ANKS1B: variants seen among roughly 807,000 people sequenced by gnomAD.
ANKS1B encodes the protein ankyrin repeat and sterile alpha motif domain containing 1B, also known as ankyrin repeat and sterile alpha motif domain-containing protein 1B.
ANKS1B carries 36 observed loss-of-function variants against 148.3 expected under a neutral mutation model. The observed-to-expected ratio is 0.24, with a 90% CI of 0.19 to 0.32. The LOEUF is 0.32. ANKS1B is among the 10% of genes least tolerant of loss of function. The probability of loss-of-function intolerance (pLI) is 1.00; values close to 1 mark genes in which losing one functional copy is unlikely to be tolerated. For synonymous variants in ANKS1B, 542 were observed against 560.8 expected, an observed-to-expected ratio of 0.97 and a Z score of 0.47; for missense variants, 1,157 against 1,542.6, an observed-to-expected ratio of 0.75 and a Z score of 4.19.
At chr12:99,403,485 A>G (rs34864286) in intron 11 of ANKS1B, among the ~76,000 whole-genome samples, 1,515 of 84,000 alleles carry the variant, frequency 0.018, 230 homozygotes, top group African/African-American at 0.072. Context: ...ATGGGGGTTG[A>G]TTTTTTTTTC....
chr12:99,826,336 C>G (rs1398037558), intron 1 of ANKS1B, among the ~76,000 whole-genome samples: 2 of 152,146 alleles, frequency 1.3e-5, no homozygotes, highest in Admixed American at 6.5e-5. Context: ...AGGTACCAGA[C>G]AGCACACAGG....
chr12:99,755,071 TAA>T (rs59946297), intron 8 of ANKS1B, among the ~76,000 whole-genome samples: 65,814 of 149,362 alleles, frequency 0.44, 14,720 homozygotes, highest in South Asian at 0.61. Flanking sequence ...AGCTGCTTTT[TAA>T]AAAAAAAAAT....
chr12:98,840,495 G>A (rs11109622), intron 17 of ANKS1B, among the ~76,000 whole-genome samples: 35,222 of 152,146 alleles, frequency 0.23, 4,772 homozygotes, highest in Admixed American at 0.3. Context: ...GAAAGAGCGA[G>A]GGAGGAGGAA....
intron 17 of ANKS1B, among the ~76,000 whole-genome samples, chr12:98,891,593 G>A (rs534115674): frequency 4.6e-5 from 7 of 152,236 alleles, no homozygotes; most frequent in South Asian, 2.1e-4. Flanking sequence ...ATGCATTCAC[G>A]TAAATGTTCT....
chr12:99,064,655 T>C (rs1380426269), intron 16 of ANKS1B, among the ~76,000 whole-genome samples: 1 of 152,240 alleles, frequency 6.6e-6, no homozygotes, highest in African/African-American at 2.4e-5. Flanking sequence ...CTGCTCTTTT[T>C]AGCTTCATCT....
chr12:98,919,890 A>G (rs911098345), intron 17 of ANKS1B, among the ~76,000 whole-genome samples: 1 of 152,166 alleles, frequency 6.6e-6, no homozygotes, highest in Admixed American at 6.5e-5. Context: ...GGATACTCTC[A>G]AGAGTGACTA....
At chr12:99,065,634 CCATCCCATCCATCCATCCATCCAT>C (rs1319033246) in intron 16 of ANKS1B, among the ~76,000 whole-genome samples, 5 of 133,964 alleles carry the variant, frequency 3.7e-5, no homozygotes, top group Non-Finnish European at 6.3e-5. Context: ...ATCCATCCAT[CCATCCCATCCATCCATCCATCCAT>C]CCATCCATCC....
At chr12:99,512,063 G>C (rs2096771865) in intron 9 of ANKS1B, among the ~76,000 whole-genome samples, 1 of 152,038 alleles carries the variant, frequency 6.6e-6, no homozygotes, top group African/African-American at 2.4e-5. Flanking sequence ...ATTGACAAAT[G>C]GGATCTAATT....
intron 17 of ANKS1B, among the ~76,000 whole-genome samples, chr12:98,863,927 G>A (rs969351584): frequency 2.0e-5 from 3 of 152,156 alleles, no homozygotes; most frequent in African/African-American, 4.8e-5. Flanking sequence ...ACACGCATAC[G>A]TGGCAACAGA....
At chr12:99,695,982 C>T (rs929684835) in intron 8 of ANKS1B, among the ~76,000 whole-genome samples, 6 of 152,160 alleles carry the variant, frequency 3.9e-5, no homozygotes, top group Admixed American at 1.3e-4. Flanking sequence ...AAACTACCTA[C>T]TGGGCACTAT....
intron 17 of ANKS1B, among the ~76,000 whole-genome samples, chr12:98,926,089 G>A (rs937929780): frequency 6.6e-6 from 1 of 152,118 alleles, no homozygotes; most frequent in African/African-American, 2.4e-5. Context: ...GACCTGAGAA[G>A]CCCCTATTCT....
intron 8 of ANKS1B, among the ~76,000 whole-genome samples, chr12:99,719,169 C>A (rs1445773869): frequency 6.6e-6 from 1 of 152,158 alleles, no homozygotes; most frequent in Non-Finnish European, 1.5e-5. Context: ...TGCTTTAATA[C>A]TTTTAGAGGC....
At chr12:99,598,776 A>G (rs2097777499) in intron 9 of ANKS1B, among the ~76,000 whole-genome samples, 1 of 152,152 alleles carries the variant, frequency 6.6e-6, no homozygotes, top group Non-Finnish European at 1.5e-5. Context: ...ACACGGAAAT[A>G]ACAGAAACAA....
chr12:99,223,030 G>T (rs2085357545), intron 14 of ANKS1B, among the ~76,000 whole-genome samples: 1 of 152,200 alleles, frequency 6.6e-6, no homozygotes, highest in South Asian at 2.1e-4. Context: ...GTAAGGTATT[G>T]AAAGTAAAAT....
At chr12:99,016,223 G>T (rs1275931246) in intron 17 of ANKS1B, among the ~76,000 whole-genome samples, 1 of 152,156 alleles carries the variant, frequency 6.6e-6, no homozygotes, top group Non-Finnish European at 1.5e-5. Context: ...AAAATTCTGT[G>T]TTAGAACCCA....
chr12:99,157,218 G>A (rs2153826687), intron 14 of ANKS1B, among the ~76,000 whole-genome samples: 1 of 152,256 alleles, frequency 6.6e-6, no homozygotes, highest in South Asian at 2.1e-4. Flanking sequence ...TTTGTCCCTG[G>A]CCAGCTCTAA....
chr12:98,864,729 G>A (rs1021418724), intron 17 of ANKS1B, among the ~76,000 whole-genome samples: 7 of 152,132 alleles, frequency 4.6e-5, no homozygotes. Flanking sequence ...TTTCTCTGGA[G>A]AACCCTAATA....
intron 17 of ANKS1B, among the ~76,000 whole-genome samples, chr12:98,960,374 T>A (rs566522911): frequency 6.6e-6 from 1 of 152,286 alleles, no homozygotes; most frequent in South Asian, 2.1e-4. Flanking sequence ...TTCTTCCAGA[T>A]CTTATCCAAG....
rs534108250 is a variant in ANKS1B at position 99,224,247 on chromosome 12, G to T, written c.2419+20095C>A. On this transcript the variant is annotated intron_variant, in intron 14 of 26. Coordinates refer to ENST00000683438, the MANE Select transcript of ANKS1B (RefSeq NM_001352186.2). The stretch of plus-strand genomic sequence containing the variant: ...CTAATTTAAAAGTAAAGAGCTTTCT[G>T]GAGAGGTAACAGAATAATAACTAAT... Among the ~76,000 whole-genome samples, 3 of 152,136 alleles carry T rather than the reference G, an allele frequency of 2.0e-5. No individual in the cohort carries two copies. In the South Asian group the frequency reaches 6.2e-4, roughly 32 times the overall value.
Sources: allele counts gnomAD v4.1 joint callset (sites outside exome capture counted in the v4.1 genomes callset), GRCh38; gene constraint gnomAD v4.1.1; transcripts MANE v1.5; gene names NCBI Gene and HGNC (gene_info 2026-07-23, HGNC 2026-07-21).